Variants in TACC2 observed in about 807,000 individuals in gnomAD.
The protein encoded by TACC2 is transforming acidic coiled-coil containing protein 2.
Under a neutral mutation model 227.3 loss-of-function variants are expected in TACC2, and 137 were observed. The observed-to-expected ratio is 0.60, with a 90% CI of 0.52 to 0.69. The LOEUF (loss-of-function observed/expected upper bound fraction) is 0.69. TACC2 is among the 30% of genes least tolerant of loss of function. TACC2 has a pLI of 0.00. For synonymous variants in TACC2, 1,523 were observed against 1,487.5 expected (o/e 1.02, Z -0.55); for missense variants, 3,470 against 3,694.4 (o/e 0.94, Z 1.57).
intron 7 of TACC2, among the ~76,000 whole-genome samples, chr10:122,145,192 G>A (rs11200430): frequency 0.028 from 4,254 of 152,210 alleles, 148 homozygotes; most frequent in East Asian, 0.18. Flanking sequence ...ACCTATGAAC[G>A]ATGAAAATAT....
chr10:122,029,435 C>T (rs1295200438), intron 2 of TACC2, among the ~76,000 whole-genome samples: 1 of 152,084 alleles, frequency 6.6e-6, no homozygotes, highest in Non-Finnish European at 1.5e-5. Flanking sequence ...TATCTAAATT[C>T]GTAAGAAATA....
At chr10:122,143,255 T>C (rs1223003333) in intron 6 of TACC2, among the ~76,000 whole-genome samples, 2 of 152,114 alleles carry the variant, frequency 1.3e-5, no homozygotes, top group Non-Finnish European at 2.9e-5. Context: ...TCCTCTCCTC[T>C]AAACAAAAAT....
intron 6 of TACC2, among the ~76,000 whole-genome samples, chr10:122,139,689 A>G (rs879564237): frequency 3.9e-5 from 6 of 152,136 alleles, no homozygotes; most frequent in Non-Finnish European, 8.8e-5. Context: ...TTATGTGATC[A>G]TGTGCACTTG....
chr10:122,188,750 C>A (rs139299456), intron 7 of TACC2, among the ~76,000 whole-genome samples: 2 of 152,336 alleles, frequency 1.3e-5, no homozygotes, highest in African/African-American at 4.8e-5. Flanking sequence ...CGATGGCCAG[C>A]GCCCCGGGAA....
At chr10:122,089,171 T>A (rs79053066) in intron 5 of TACC2, among the ~76,000 whole-genome samples, 3 of 152,158 alleles carry the variant, frequency 2.0e-5, no homozygotes, top group African/African-American at 7.2e-5. Context: ...AATTCACTCA[T>A]ACAATTCAGT....
chr10:122,102,247 G>A (rs186236211), intron 5 of TACC2, among the ~76,000 whole-genome samples: 4 of 152,320 alleles, frequency 2.6e-5, no homozygotes, highest in Admixed American at 2.0e-4. Context: ...CCGGTTTAAT[G>A]GATATGCGGG....
chr10:122,252,657 A>AT (rs1446308429), intron 22 of TACC2, among the ~76,000 whole-genome samples: 1 of 151,664 alleles, frequency 6.6e-6, no homozygotes, highest in African/African-American at 2.4e-5. Context: ...CGCCCAGCTA[A>AT]TTTTTTTGTA....
chr10:122,032,132 G>A (rs936673282), intron 2 of TACC2, among the ~76,000 whole-genome samples: 4 of 152,116 alleles, frequency 2.6e-5, no homozygotes, highest in African/African-American at 9.7e-5. Flanking sequence ...TCATGCACCC[G>A]CCTCAACAGG....
chr10:122,151,896 G>A (rs954012846), intron 7 of TACC2, among the ~76,000 whole-genome samples: 2 of 152,188 alleles, frequency 1.3e-5, no homozygotes, highest in African/African-American at 4.8e-5. Context: ...ACCCTGCAAC[G>A]TGGGCCACAG....
chr10:122,222,702 G>A lies in TACC2; in HGVS notation c.7547-2024G>A, dbSNP rs115719035. Among the ~76,000 whole-genome samples, 1,023 of 152,304 alleles carry A rather than the reference G, an allele frequency of 6.7e-3. 6 individuals carry two copies. The highest frequency in any genetic ancestry group is 0.023 in the African/African-American group (961 of 41,570). ...GTTCCAAGTGGGACACTTTAGTGAG[G>A]CGAGCTGGTTACCAGAGCCGGGCAC... On this transcript the variant is annotated intron_variant, in intron 11 of 22. Transcript: ENST00000369005.
At position 122,087,555 on chromosome 10, in the gene TACC2, T is replaced by A; in HGVS notation, c.5055T>A (p.Thr1685=). The part of the protein sequence containing the change: ...LGNQSTPAPP[T]GEVADTPLEP... ...ACCAGAGCACCCCTGCACCACCAACTGGAGAAGTGGCAGACACTCCCCTGG... is the reference window on the plus strand; with the variant it reads ...ACCAGAGCACCCCTGCACCACCAACAGGAGAAGTGGCAGACACTCCCCTGG... Residue 1685 remains threonine (T), a synonymous_variant, in exon 4 of 23, where the codon ACT becomes ACA. Coordinates refer to ENST00000369005, the MANE Select transcript of TACC2 (RefSeq NM_206862.4). 9 of 1,613,702 alleles carry A rather than the reference T, an allele frequency of 5.6e-6. No individual in the cohort carries two copies. Among genetic ancestry groups the A allele is most frequent in the Non-Finnish European group, 7.6e-6 (9 of 1,180,018 alleles).
Position 122,086,646 on chromosome 10 carries a change from G to A in TACC2, c.4146G>A (p.Gln1382=). The A allele has an allele frequency of 6.2e-7, 1 of 1,606,394 alleles. No homozygotes were observed. Among genetic ancestry groups the A allele is most frequent in the Non-Finnish European group, 8.5e-7 (1 of 1,176,026 alleles). ...GSMERMGEPS[Q]DPKQGTSGGV... ...TGGAGAGGATGGGAGAGCCTTCCCA[G>A]GACCCAAAGCAGGGCACATCAGGTG... The change falls in exon 4 of 23, where the codon CAG becomes CAA. Residue 1382 remains glutamine (Q), a synonymous_variant. Coordinates refer to ENST00000369005, the MANE Select transcript of TACC2 (RefSeq NM_206862.4).
At chr10:122,116,276 C>T (rs920842604) in intron 5 of TACC2, among the ~76,000 whole-genome samples, 3 of 152,202 alleles carry the variant, frequency 2.0e-5, no homozygotes, top group African/African-American at 7.2e-5. Flanking sequence ...TGTTGAGTGT[C>T]AGCTCTGTCC....
At chr10:122,142,813 G>T (rs546850222) in intron 6 of TACC2, among the ~76,000 whole-genome samples, 1 of 152,230 alleles carries the variant, frequency 6.6e-6, no homozygotes, top group Non-Finnish European at 1.5e-5. Flanking sequence ...GGCTGGGAGG[G>T]TACCACCCTG....
intron 8 of TACC2, among the ~76,000 whole-genome samples, chr10:122,202,074 A>G (rs1020154486): frequency 8.4e-5 from 10 of 118,960 alleles, no homozygotes; most frequent in Non-Finnish European, 1.0e-4. Context: ...ATGATGGCTC[A>G]TTTCTAAGTT....
At chr10:122,182,867 G>A (rs1343834603) in intron 7 of TACC2, among the ~76,000 whole-genome samples, 3 of 152,178 alleles carry the variant, frequency 2.0e-5, no homozygotes, top group Non-Finnish European at 4.4e-5. Context: ...AAGACACACA[G>A]AGACACATAG....
At position 122,210,332 on chromosome 10, in the gene TACC2, C is replaced by A; in HGVS notation, c.5972-65C>A. 1 of 1,302,504 alleles carries A rather than the reference C, an allele frequency of 7.7e-7. No individual in the cohort carries two copies. Among genetic ancestry groups the A allele is most frequent in the Non-Finnish European group, 1.1e-6 (1 of 900,670 alleles). The allele number at this position is 1,302,504 out of a possible 1,614,324, so 80.7% of individuals were successfully genotyped here. A position where few individuals can be genotyped will look rare whatever the true frequency, so the allele number is the denominator to read the frequency against. On this transcript the variant is annotated intron_variant, in intron 8 of 22. Transcript: ENST00000369005. The surrounding 1 kb of genome is among the most constrained non-coding windows in gnomAD (Gnocchi z 4.6). ...TACGCTGGAGGGTGATGTTTTGGTA[C>A]AAGAGGAGAGGTGCCCCAATGCGTC...
chr10:122,248,898 G>A lies in TACC2; in HGVS notation c.8553+95G>A, dbSNP rs2096189841. On this transcript the variant is annotated intron_variant, in intron 20 of 22. Transcript: ENST00000369005. ...GGGTAGGATTCCAGAAGTTGGTCTT[G>A]AGCCACCTGCGAGGAGGGGGTCCAT... is the stretch of plus-strand genomic sequence containing the variant. The A allele has an allele frequency of 1.9e-6, 3 of 1,563,580 alleles. No individual in the cohort carries two copies. In the African/African-American group the frequency reaches 4.1e-5, roughly 21 times the overall value.
chr10:122,160,225 C>T (rs1242243204), intron 7 of TACC2, among the ~76,000 whole-genome samples: 1 of 152,092 alleles, frequency 6.6e-6, no homozygotes, highest in Non-Finnish European at 1.5e-5. Flanking sequence ...TCTTTGGGGA[C>T]GTCAGTAGGA....
Sources: allele counts gnomAD v4.1 joint callset (sites outside exome capture counted in the v4.1 genomes callset), GRCh38; gene constraint gnomAD v4.1.1; non-coding constraint Gnocchi (gnomAD v3.1); transcripts MANE v1.5; gene names NCBI Gene and HGNC (gene_info 2026-07-23, HGNC 2026-07-21).